The following TRIO variants were observed in gnomAD, a reference collection of about 807,000 sequenced individuals.
The protein encoded by TRIO is triple functional domain protein.
In TRIO, 58 loss-of-function variants were observed where a neutral mutation model predicts 351.9. The observed-to-expected ratio is 0.16, with a 90% CI of 0.13 to 0.21. TRIO has a LOEUF of 0.21. Ranked by LOEUF, TRIO falls within the 10% of genes least tolerant of loss-of-function variation. The pLI, the probability that TRIO is intolerant of heterozygous loss-of-function variation, is 1.00. For missense variants in TRIO, 3,201 were observed against 4,027.8 expected (o/e 0.79, Z 5.56); for synonymous variants, 1,758 against 1,595.7 (o/e 1.10, Z -2.42).
chr5:14,144,618 CTGTG>C (rs1787384525), intron 1 of TRIO, among the ~76,000 whole-genome samples: 2 of 151,600 alleles, frequency 1.3e-5, no homozygotes, highest in African/African-American at 4.8e-5. Context: ...TCGCGGGGCA[CTGTG>C]TGGGTGGCGT....
At chr5:14,264,736 G>C (rs1270044764) in intron 1 of TRIO, among the ~76,000 whole-genome samples, 1 of 152,194 alleles carries the variant, frequency 6.6e-6, no homozygotes. Flanking sequence ...AGCCACGTGC[G>C]GCCGCTCCCT....
At position 14,507,195 on chromosome 5, in the gene TRIO, C is replaced by T; in HGVS notation, c.8686C>T (p.Leu2896=). ...CACTGAAGGGAAGATCAGGGCGCAC[C>T]TGGGGGAGGTTCTGGAAGCTGTCCG... ...SLTEGKIRAH[L]GEVLEAVRYL... Residue 2896 remains leucine, a synonymous_variant, in exon 56 of 57, where the codon CTG becomes TTG. Transcript: ENST00000344204. 2 of 1,612,184 alleles carry T rather than the reference C, an allele frequency of 1.2e-6. No homozygotes were observed. The highest frequency in any genetic ancestry group is 1.7e-6 in the Non-Finnish European group (2 of 1,179,838).
At chr5:14,498,352 C>T in intron 52 of TRIO, 101 bp downstream of exon 52, 1 of 1,530,168 alleles carries the variant, frequency 6.5e-7, no homozygotes, top group Non-Finnish European at 8.8e-7. Flanking sequence ...TCTTTGGCTG[C>T]CTTCGGCACT....
chr5:14,349,214 ATG>A (rs550704520), intron 11 of TRIO, among the ~76,000 whole-genome samples: 27 of 134,836 alleles, frequency 2.0e-4, no homozygotes, highest in South Asian at 1.2e-3. Context: ...ACACATGATC[ATG>A]TGTGTTTTTC....
chr5:14,481,258 G>A lies in TRIO; in HGVS notation c.6361G>A (p.Ala2121Thr). The A allele has an allele frequency of 6.2e-7, 1 of 1,613,698 alleles. No homozygotes were observed. Among genetic ancestry groups the A allele is most frequent in the Non-Finnish European group, 8.5e-7 (1 of 1,179,848 alleles). The change falls in exon 44 of 57, where the codon GCC (alanine) becomes ACC (threonine). Residue 2121 changes from alanine to threonine, a missense_variant. Ala to Thr is a moderately conservative substitution (Grantham distance 58). Transcript: ENST00000344204. ...LKDFLKYSKK[A>T]SLDTSELERA... is the part of the protein sequence containing the mutation. ...GGACTTCCTCAAGTATTCCAAAAAG[G>A]CCAGCCTGGATACATCAGAATTAGA...
intron 34 of TRIO, among the ~76,000 whole-genome samples, chr5:14,460,203 A>G (rs935087649): frequency 6.6e-6 from 1 of 152,204 alleles, no homozygotes; most frequent in Admixed American, 6.5e-5. Context: ...GGCGTGAGCC[A>G]CCGCGCCCGG....
chr5:14,186,532 T>G (rs924822365), intron 1 of TRIO, among the ~76,000 whole-genome samples: 68 of 152,308 alleles, frequency 4.5e-4, no homozygotes, highest in African/African-American at 1.6e-3. Context: ...CTTGCATTCA[T>G]TTCTGAATGA....
rs137875535 is a variant in TRIO, at chr5:14,258,274, G to C, written c.158-12551G>C. 3.5e-4 allele frequency among the ~76,000 whole-genome samples: 54 copies of C among 152,290 alleles called. No homozygotes were observed. The East Asian group carries it at 0.01, about 28-fold the overall frequency. On this transcript the variant is annotated intron_variant, in intron 1 of 56. Coordinates refer to ENST00000344204, the MANE Select transcript of TRIO (RefSeq NM_007118.4). ...TTTTAAGGTGGCTGCTTGTAACCCTGTGTCATTTCCTCTGCTGGATCCCAG... is the reference window on the plus strand; with the variant it reads ...TTTTAAGGTGGCTGCTTGTAACCCTCTGTCATTTCCTCTGCTGGATCCCAG...
chr5:14,331,708 G>T (rs1276997980), intron 10 of TRIO, among the ~76,000 whole-genome samples: 1 of 152,202 alleles, frequency 6.6e-6, no homozygotes, highest in South Asian at 2.1e-4. Context: ...TTTTAGACAC[G>T]GCTGCAGTCA....
chr5:14,316,485 A>G, intron 8 of TRIO, 28 bp from the exon 9 acceptor site: 1 of 1,611,914 alleles, frequency 6.2e-7, no homozygotes, highest in Non-Finnish European at 8.5e-7. Flanking sequence ...TCAGATCGTG[A>G]AGAATCACTC....
chr5:14,471,171 T>G, intron 37 of TRIO, 147 bp from the exon 38 acceptor site: 1 of 1,142,524 alleles, frequency 8.8e-7, no homozygotes, highest in South Asian at 2.2e-5. Context: ...TTTGTGTTAT[T>G]AAATGCTATA....
chr5:14,397,720 A>G (rs1217330110), intron 29 of TRIO, among the ~76,000 whole-genome samples: 1 of 152,194 alleles, frequency 6.6e-6, no homozygotes, highest in African/African-American at 2.4e-5. Flanking sequence ...ATAAGTTTTA[A>G]TCCTGCCCCA....
At chr5:14,262,174 GCTAA>G (rs1340748940) in intron 1 of TRIO, among the ~76,000 whole-genome samples, 6 of 152,238 alleles carry the variant, frequency 3.9e-5, no homozygotes. Context: ...GAGCCCAGCT[GCTAA>G]TAGGAACACC....
At chr5:14,484,756 C>T (rs1415642772) in intron 46 of TRIO, among the ~76,000 whole-genome samples, 1 of 152,158 alleles carries the variant, frequency 6.6e-6, no homozygotes, top group Non-Finnish European at 1.5e-5. Flanking sequence ...TAAACAGTAA[C>T]TCCCCACTTC....
At chr5:14,262,941 A>G (rs1344525790) in intron 1 of TRIO, among the ~76,000 whole-genome samples, 2 of 152,064 alleles carry the variant, frequency 1.3e-5, no homozygotes, top group African/African-American at 2.4e-5. Flanking sequence ...GTCAAAACCC[A>G]CTATAATAGC....
At chr5:14,156,546 C>T (rs1466934668) in intron 1 of TRIO, among the ~76,000 whole-genome samples, 1 of 152,200 alleles carries the variant, frequency 6.6e-6, no homozygotes, top group African/African-American at 2.4e-5. Flanking sequence ...AATTCCAATA[C>T]AGTACCACAG....
chr5:14,421,737 G>A (rs1408909964), intron 34 of TRIO, among the ~76,000 whole-genome samples: 5 of 152,150 alleles, frequency 3.3e-5, no homozygotes, highest in South Asian at 4.1e-4. Context: ...GCGGTAGGGC[G>A]TGGGTGAGGT....
chr5:14,228,685 C>T (rs1366386318), intron 1 of TRIO, among the ~76,000 whole-genome samples: 1 of 152,144 alleles, frequency 6.6e-6, no homozygotes, highest in Non-Finnish European at 1.5e-5. Flanking sequence ...TTTATCACCA[C>T]TTGTACTTAT....
rs901444160 is a variant in TRIO at position 14,146,947 on chromosome 5, T to C, written c.157+3065T>C. Among the ~76,000 whole-genome samples, 2 of 152,236 alleles carry C rather than the reference T, an allele frequency of 1.3e-5. 1 individual carries two copies. Among genetic ancestry groups the C allele is most frequent in the Non-Finnish European group, 2.9e-5 (2 of 68,040 alleles). On this transcript the variant is annotated intron_variant, in intron 1 of 56. Coordinates refer to ENST00000344204, the MANE Select transcript of TRIO (RefSeq NM_007118.4). The stretch of plus-strand genomic sequence containing the variant: ...CTCCCTGTTCATTTTGATGATCATT[T>C]TGATCACCTATTTATAGACCTGGCA...
Sources: allele counts gnomAD v4.1 joint callset (sites outside exome capture counted in the v4.1 genomes callset), GRCh38; gene constraint gnomAD v4.1.1; transcripts MANE v1.5; gene names NCBI Gene and HGNC (gene_info 2026-07-23, HGNC 2026-07-21).